The following MAP4K4 variants were observed in gnomAD, a reference collection of about 807,000 sequenced individuals.
The protein encoded by MAP4K4 is HPK/GCK-like kinase HGK.
In MAP4K4, 38 loss-of-function variants were observed where a neutral mutation model predicts 189.6. That is an observed-to-expected ratio of 0.20 (90% CI 0.15 to 0.26). The LOEUF (loss-of-function observed/expected upper bound fraction) is 0.26. MAP4K4 is among the 10% of genes least tolerant of loss of function. MAP4K4 has a pLI of 1.00. For missense variants in MAP4K4, 1,054 were observed against 1,726.9 expected, an observed-to-expected ratio of 0.61 and a Z score of 6.91; for synonymous variants, 610 against 624.3, an observed-to-expected ratio of 0.98 and a Z score of 0.34.
At chr2:101,830,633 C>G (rs886412805) in intron 6 of MAP4K4, among the ~76,000 whole-genome samples, 18 of 152,122 alleles carry the variant, frequency 1.2e-4, no homozygotes, top group Non-Finnish European at 2.4e-4. Context: ...GAGGAATCTG[C>G]CCAATTGGAA....
chr2:101,806,203 G>A (rs1231952591), intron 3 of MAP4K4, among the ~76,000 whole-genome samples: 1 of 152,086 alleles, frequency 6.6e-6, no homozygotes, highest in Non-Finnish European at 1.5e-5. Flanking sequence ...ACCTAGGAAA[G>A]CAACAATAAC....
chr2:101,839,713 C>A, intron 9 of MAP4K4, 106 bp from the exon 10 acceptor site: 1 of 806,582 alleles, frequency 1.2e-6, no homozygotes, highest in Non-Finnish European at 1.9e-6. Context: ...AGAATGTTCA[C>A]AGTGAATTCT....
chr2:101,840,641 C>T (rs564843565), intron 10 of MAP4K4, among the ~76,000 whole-genome samples: 1 of 152,278 alleles, frequency 6.6e-6, no homozygotes, highest in South Asian at 2.1e-4. Context: ...TTTACTAAAC[C>T]ATCTTCTCTG....
At chr2:101,755,287 C>CT (rs1238194535) in intron 2 of MAP4K4, among the ~76,000 whole-genome samples, 1 of 151,768 alleles carries the variant, frequency 6.6e-6, no homozygotes, top group Non-Finnish European at 1.5e-5. Flanking sequence ...AGTAAAGGCC[C>CT]TTTGTCTGTT....
At chr2:101,771,643 T>C (rs2081473054) in intron 2 of MAP4K4, among the ~76,000 whole-genome samples, 1 of 152,138 alleles carries the variant, frequency 6.6e-6, no homozygotes, top group South Asian at 2.1e-4. Flanking sequence ...ACTCTATTCT[T>C]AAGTGCACGG....
chr2:101,707,666 C>T (rs2043041969), intron 2 of MAP4K4, among the ~76,000 whole-genome samples: 2 of 151,488 alleles, frequency 1.3e-5, no homozygotes, highest in African/African-American at 4.8e-5. Context: ...GTGTGCACCA[C>T]CATGTCCAGC....
intron 2 of MAP4K4, among the ~76,000 whole-genome samples, chr2:101,710,669 G>A (rs1261028282): frequency 6.6e-6 from 1 of 152,148 alleles, no homozygotes; most frequent in Non-Finnish European, 1.5e-5. Flanking sequence ...GGGGCCTATG[G>A]GAGTGTGTGA....
chr2:101,817,391 T>C (rs897326690), intron 3 of MAP4K4, among the ~76,000 whole-genome samples: 3 of 152,198 alleles, frequency 2.0e-5, no homozygotes, highest in Admixed American at 6.5e-5. Context: ...TTGTCCTCCT[T>C]GTGGGTCATT....
Position 101,876,279 on chromosome 2 carries a change from G to A in MAP4K4, c.3242-724G>A, listed in dbSNP as rs149188780. Among the ~76,000 whole-genome samples, 193 of 152,346 alleles carry A rather than the reference G, an allele frequency of 1.3e-3. 1 individual carries two copies. Among genetic ancestry groups the A allele is most frequent in the African/African-American group, 4.5e-3 (189 of 41,582 alleles). The stretch of plus-strand genomic sequence containing the variant: ...GTGGGTGGGTGTCACCAGATGGACA[G>A]CAGTGGAAATGTCTCCACTGAGGAA... On this transcript the variant is annotated intron_variant, in intron 26 of 32. Coordinates refer to ENST00000324219, the Ensembl canonical transcript of MAP4K4.
rs532961238 is a variant in MAP4K4 at position 101,859,495 on chromosome 2, G to A, written c.1483-148G>A. 6.7e-4 allele frequency: 424 copies of A among 630,298 alleles called. 2 individuals are homozygous for A. The Middle Eastern group carries it at 7.0e-3, about 10-fold the overall frequency. 39.0% of individuals were successfully genotyped at this position (630,298 alleles called of 1,614,324 possible). ...GCTGTGAGATTTTTCCACAGGTAAT[G>A]TGCTATTTAAAATCCCAGCCATTTT... On this transcript the variant is annotated intron_variant, in intron 14 of 32. Transcript: ENST00000324219.
At chr2:101,809,861 C>G (rs1390722916) in intron 3 of MAP4K4, among the ~76,000 whole-genome samples, 2 of 152,228 alleles carry the variant, frequency 1.3e-5, no homozygotes, top group African/African-American at 2.4e-5. Flanking sequence ...TCAAAAACAT[C>G]TGGTCTAAAG....
At chr2:101,701,444 T>A (rs890152549) in intron 2 of MAP4K4, among the ~76,000 whole-genome samples, 2 of 152,048 alleles carry the variant, frequency 1.3e-5, no homozygotes, top group African/African-American at 2.4e-5. Context: ...CAAGGAGATG[T>A]TATTTGGACT....
chr2:101,820,051 T>C (rs779572172), intron 3 of MAP4K4, among the ~76,000 whole-genome samples: 3 of 152,216 alleles, frequency 2.0e-5, no homozygotes, highest in Non-Finnish European at 4.4e-5. Context: ...CTCAGTGAAC[T>C]GTGAAAATAT....
intron 11 of MAP4K4, among the ~76,000 whole-genome samples, chr2:101,842,926 G>A (rs1479841446): frequency 1.3e-5 from 2 of 152,196 alleles, no homozygotes; most frequent in African/African-American, 2.4e-5. Flanking sequence ...ACTGAAAAAT[G>A]TGTGGGCCTG....
At chr2:101,751,363 G>T (rs1341193580) in intron 2 of MAP4K4, among the ~76,000 whole-genome samples, 2 of 152,152 alleles carry the variant, frequency 1.3e-5, no homozygotes, top group African/African-American at 2.4e-5. Flanking sequence ...AGAATACTCT[G>T]CCATGAGACT....
At position 101,770,272 on chromosome 2, in the gene MAP4K4, G is replaced by T. The variant is rs1280955839; in HGVS notation, c.124-20448G>T. On this transcript the variant is annotated intron_variant, in intron 2 of 32. Coordinates refer to ENST00000324219, the Ensembl canonical transcript of MAP4K4. ...TTTTTTTTTTTTTTTTTTTGAGACG[G>T]AGTTTCGCTCTTGTCGCCCGGGCTG... 9.1e-5 allele frequency among the ~76,000 whole-genome samples: 12 copies of T among 131,286 alleles called. No homozygotes were observed. In the Admixed American group the frequency reaches 9.3e-4, roughly 10 times the overall value. The allele number at this position is 131,286 out of a possible 152,430, so 86.1% of individuals were successfully genotyped here. A position where few individuals can be genotyped will look rare whatever the true frequency, so the allele number is the denominator to read the frequency against.
At chr2:101,817,467 A>G (rs745499794) in intron 3 of MAP4K4, among the ~76,000 whole-genome samples, 6 of 152,182 alleles carry the variant, frequency 3.9e-5, no homozygotes, top group Non-Finnish European at 7.3e-5. Flanking sequence ...AGAATGAACT[A>G]TATTCACCAT....
At chr2:101,874,684 C>A (rs185524531) in intron 26 of MAP4K4, among the ~76,000 whole-genome samples, 86 of 152,344 alleles carry the variant, frequency 5.6e-4, no homozygotes, top group Middle Eastern at 6.8e-3. Flanking sequence ...TAAAAACTTA[C>A]TGCAACATGC....
At chr2:101,892,735 C>CT (rs2098587877) in exon 33 of MAP4K4, 1 of 366,830 alleles carries the variant, frequency 2.7e-6, no homozygotes, top group African/African-American at 2.1e-5. Flanking sequence ...CTCTTGTTCT[C>CT]TGTTTTTTTA....
Sources: gnomAD v4.1 joint callset for allele counts (sites outside exome capture counted in the v4.1 genomes callset) on GRCh38, gnomAD v4.1.1 for gene constraint, MANE v1.5 for transcripts, NCBI Gene and HGNC (gene_info 2026-07-23, HGNC 2026-07-21) for gene names.